Variants in PUS7L observed in about 807,000 individuals in gnomAD.
The protein encoded by PUS7L is pseudouridine synthase 7 like.
In PUS7L, 49 loss-of-function variants were observed where a neutral mutation model predicts 51.1. That is an observed-to-expected ratio of 0.96 (90% CI 0.76 to 1.22). PUS7L has a LOEUF of 1.22. Ranked by LOEUF, PUS7L falls within the 50% of genes most tolerant of loss-of-function variation. The pLI, the probability that PUS7L is intolerant of heterozygous loss-of-function variation, is 0.00. For missense variants in PUS7L, 828 were observed against 820.6 expected, an observed-to-expected ratio of 1.01 and a Z score of -0.11; for synonymous variants, 277 against 276.2, an observed-to-expected ratio of 1.00 and a Z score of -0.03.
Position 43,719,350 on chromosome 12 carries a change from A to T in PUS7L, c.*11026T>A, listed in dbSNP as rs1446713787. 2.0e-5 allele frequency: 3 copies of T among 152,196 alleles called. No individual in the cohort carries two copies. The highest frequency in any genetic ancestry group is 2.9e-5 in the Non-Finnish European group (2 of 68,014). The allele number at this position is 152,196 out of a possible 1,614,324, so 9.4% of individuals were successfully genotyped here. A position where few individuals can be genotyped will look rare whatever the true frequency, so the allele number is the denominator to read the frequency against. Reference sequence around the variant, plus strand: ...ACATGGGTGGTAAAGCTATCAAGAAAAGTAAGAAAAGTATTATAAAAGTTG... The same window carrying T: ...ACATGGGTGGTAAAGCTATCAAGAATAGTAAGAAAAGTATTATAAAAGTTG... On this transcript the variant is annotated 3_prime_UTR_variant, in exon 9 of 9. Transcript: ENST00000344862.
chr12:43,756,258 C>G (rs974555403), intron 1 of PUS7L, among the ~76,000 whole-genome samples: 1 of 152,174 alleles, frequency 6.6e-6, no homozygotes, highest in Non-Finnish European at 1.5e-5. Context: ...TACTTAATTT[C>G]CTGTACAGTT....
At chr12:43,738,597 AGGTTTAAAATATTAT>A (rs1246834256) in intron 5 of PUS7L, among the ~76,000 whole-genome samples, 8 of 152,182 alleles carry the variant, frequency 5.3e-5, no homozygotes, top group Admixed American at 3.3e-4. Flanking sequence ...TTTTATATAT[AGGTTTAAAATATTAT>A]GGACTGAAAA....
rs1429053001 is a variant in PUS7L, at chr12:43,745,989, T to C, written c.1263+57A>G. ...AGAAGTTTCCCCTCTTGCCTCAGTGTAGAGAAAGAGACAATGAAGATTTCC... is the reference window on the plus strand; with the variant it reads ...AGAAGTTTCCCCTCTTGCCTCAGTGCAGAGAAAGAGACAATGAAGATTTCC... On this transcript the variant is annotated intron_variant, in intron 4 of 8. Coordinates refer to ENST00000344862, the MANE Select transcript of PUS7L (RefSeq NM_031292.5). The C allele has an allele frequency of 5.2e-6, 4 of 769,012 alleles. No individual in the cohort carries two copies. The East Asian group carries it at 1.1e-4, about 21-fold the overall frequency. The allele number at this position is 769,012 out of a possible 1,614,324, so 47.6% of individuals were successfully genotyped here.
Position 43,725,022 on chromosome 12 carries a change from T to C in PUS7L, c.*5354A>G, listed in dbSNP as rs1040447349. ...GATGTTTCTGAGCCTGAGGCCTGCA[T>C]AGTTGGCTAAAAAGGTAAATCAGCC... is the stretch of plus-strand genomic sequence containing the variant. On this transcript the variant is annotated 3_prime_UTR_variant, in exon 9 of 9. Transcript: ENST00000344862. 2 of 152,214 alleles carry C rather than the reference T, an allele frequency of 1.3e-5. No homozygotes were observed. The highest frequency in any genetic ancestry group is 2.4e-5 in the African/African-American group (1 of 41,462). The allele number at this position is 152,214 out of a possible 1,614,324, so 9.4% of individuals were successfully genotyped here. A position where few individuals can be genotyped will look rare whatever the true frequency, so the allele number is the denominator to read the frequency against.
intron 8 of PUS7L, among the ~76,000 whole-genome samples, chr12:43,731,412 A>C (rs1944550800): frequency 6.6e-6 from 1 of 152,168 alleles, no homozygotes; most frequent in African/African-American, 2.4e-5. Context: ...CAGAAAACCG[A>C]TCAGGGGTTG....
chr12:43,738,801 G>A, intron 5 of PUS7L: 1 of 288,842 alleles, frequency 3.5e-6, no homozygotes, highest in Admixed American at 3.9e-5. Flanking sequence ...ATTATAAATA[G>A]TAAAACTTTT....
chr12:43,742,624 A>T (rs1281058691), intron 4 of PUS7L, 69 bp from the exon 5 acceptor site: 4 of 1,469,310 alleles, frequency 2.7e-6, no homozygotes, highest in Admixed American at 2.4e-5. Flanking sequence ...TACACAATTG[A>T]ATTTTTCTCT....
intron 4 of PUS7L, 45 bp downstream of exon 4, chr12:43,746,001 C>T: frequency 1.2e-6 from 1 of 851,784 alleles, no homozygotes; most frequent in Non-Finnish European, 1.9e-6. Context: ...GAGAAAGAGA[C>T]AATGAAGATT....
At chr12:43,744,647 T>C (rs1264584959) in intron 4 of PUS7L, among the ~76,000 whole-genome samples, 4 of 152,230 alleles carry the variant, frequency 2.6e-5, no homozygotes, top group Non-Finnish European at 5.9e-5. Context: ...CATATACAGA[T>C]GAAAGTGCTG....
rs1944526675 is a variant in PUS7L, at chr12:43,730,531, G to C, written c.1951C>G (p.Leu651Val). 2 of 1,613,870 alleles carry C rather than the reference G, an allele frequency of 1.2e-6. No individual in the cohort carries two copies. Among genetic ancestry groups the C allele is most frequent in the Non-Finnish European group, 1.7e-6 (2 of 1,179,854 alleles). Residue 651 changes from leucine to valine, a missense_variant, in exon 9 of 9, where the codon CTC becomes GTC. Coordinates refer to ENST00000344862, the MANE Select transcript of PUS7L (RefSeq NM_031292.5). ...TGATCTTCCATTAGTTGGTATGAGA[G>C]ATTACAGGGATGTTTCAAAATCTGT... ...YRQILKHPCNLSYQLMEDHDI... is the reference protein window; with the variant it reads ...YRQILKHPCNVSYQLMEDHDI...
intron 1 of PUS7L, among the ~76,000 whole-genome samples, chr12:43,757,451 G>A (rs142787957): frequency 0.014 from 2,083 of 152,248 alleles, 45 homozygotes; most frequent in African/African-American, 0.047. Context: ...GGTTACAGGC[G>A]TGAGCCACCG....
In PUS7L at chr12:43,748,660, A is replaced by G. The variant is rs1419406512; in HGVS notation, c.911-51T>C. Reference sequence around the variant, plus strand: ...ACAAAAAAAGCAGCTACCATACATCAATTACATTCTTAGCTAACAGATTAG... The same window carrying G: ...ACAAAAAAAGCAGCTACCATACATCGATTACATTCTTAGCTAACAGATTAG... On this transcript the variant is annotated intron_variant, in intron 2 of 8. Transcript: ENST00000344862. 3 of 1,360,466 alleles carry G rather than the reference A, an allele frequency of 2.2e-6. No individual in the cohort carries two copies. In the African/African-American group the frequency reaches 4.4e-5, roughly 20 times the overall value. The allele number at this position is 1,360,466 out of a possible 1,614,324, so 84.3% of individuals were successfully genotyped here.
At chr12:43,756,203 C>T (rs1938692608) in intron 1 of PUS7L, among the ~76,000 whole-genome samples, 1 of 152,186 alleles carries the variant, frequency 6.6e-6, no homozygotes, top group African/African-American at 2.4e-5. Flanking sequence ...TTCTCCATAT[C>T]CTAATTTCCT....
chr12:43,732,773 G>C (rs1388074706), intron 7 of PUS7L, among the ~76,000 whole-genome samples: 5 of 152,024 alleles, frequency 3.3e-5, no homozygotes, highest in Non-Finnish European at 7.4e-5. Context: ...CAATAATGTT[G>C]CTCCTTTTTG....
In PUS7L at chr12:43,730,077, TTA is replaced by T; in HGVS notation, c.*297_*298del. 1 of 279,968 alleles carries T rather than the reference TTA, an allele frequency of 3.6e-6. No individual in the cohort carries two copies. Among genetic ancestry groups the T allele is most frequent in the Non-Finnish European group, 6.8e-6 (1 of 147,858 alleles). 17.3% of individuals were successfully genotyped at this position (279,968 alleles called of 1,614,324 possible). Reference sequence around the variant, plus strand: ...TTTTCTTAAATGTTATCTTGCAGTATTATATATATTCCTAATGGTTTTAAAAG... The same window carrying T: ...TTTTCTTAAATGTTATCTTGCAGTATTATATATTCCTAATGGTTTTAAAAG... On this transcript the variant is annotated 3_prime_UTR_variant, in exon 9 of 9. Coordinates refer to ENST00000344862, the MANE Select transcript of PUS7L (RefSeq NM_031292.5).
chr12:43,736,018 C>T (rs1199428857), intron 7 of PUS7L, among the ~76,000 whole-genome samples: 2 of 152,150 alleles, frequency 1.3e-5, no homozygotes, highest in Middle Eastern at 3.2e-3. Flanking sequence ...TCGTGATCCG[C>T]CCACCTCAGC....
chr12:43,725,660 T>C lies in PUS7L; in HGVS notation c.*4716A>G, dbSNP rs988094599. 3 of 152,388 alleles carry C rather than the reference T, an allele frequency of 2.0e-5. No homozygotes were observed. The highest frequency in any genetic ancestry group is 4.4e-5 in the Non-Finnish European group (3 of 68,102). The allele number at this position is 152,388 out of a possible 1,614,324, so 9.4% of individuals were successfully genotyped here. ...TCTTGGCCTCCCCAAAGTGTTGGGA[T>C]TACAGGCGTGAGCCACCGTGCCTGG... is the stretch of plus-strand genomic sequence containing the variant. On this transcript the variant is annotated 3_prime_UTR_variant, in exon 9 of 9. Transcript: ENST00000344862.
intron 7 of PUS7L, 134 bp from the exon 8 acceptor site, chr12:43,731,892 T>A (rs1565628794): frequency 5.0e-6 from 3 of 603,242 alleles, no homozygotes; most frequent in East Asian, 6.5e-5. Context: ...CAAGATCTTA[T>A]CATAATTTGT....
chr12:43,735,939 G>C (rs1944678121), intron 7 of PUS7L, among the ~76,000 whole-genome samples: 1 of 152,038 alleles, frequency 6.6e-6, no homozygotes, highest in East Asian at 1.9e-4. Context: ...ACCACACCTG[G>C]CTAATTTTTG....
Sources: gnomAD v4.1 joint callset for allele counts (sites outside exome capture counted in the v4.1 genomes callset) on GRCh38, gnomAD v4.1.1 for gene constraint, MANE v1.5 for transcripts, NCBI Gene and HGNC (gene_info 2026-07-23, HGNC 2026-07-21) for gene names.